JAKMIP1: variants seen among roughly 807,000 people sequenced by gnomAD.
JAKMIP1 encodes the protein janus kinase and microtubule interacting protein 1.
Under a neutral mutation model 113.0 loss-of-function variants are expected in JAKMIP1, and 33 were observed. The observed-to-expected ratio is 0.29, with a 90% CI of 0.22 to 0.39. The LOEUF (loss-of-function observed/expected upper bound fraction) is 0.39. Ranked by LOEUF, JAKMIP1 falls within the 10% of genes least tolerant of loss-of-function variation. JAKMIP1 has a pLI of 1.00. For synonymous variants in JAKMIP1, 480 were observed against 459.9 expected (o/e 1.04, Z -0.56); for missense variants, 813 against 1,080.5 (o/e 0.75, Z 3.47).
intron 1 of JAKMIP1, among the ~76,000 whole-genome samples, chr4:6,174,013 G>A (rs1250659628): frequency 6.6e-6 from 1 of 152,184 alleles, no homozygotes; most frequent in African/African-American, 2.4e-5. Context: ...AGGTTGCAGT[G>A]AGCCAAGGTG....
At chr4:6,169,211 T>C (rs756336781) in intron 1 of JAKMIP1, among the ~76,000 whole-genome samples, 1 of 152,236 alleles carries the variant, frequency 6.6e-6, no homozygotes, top group Non-Finnish European at 1.5e-5. Flanking sequence ...CTCATGCATG[T>C]CCTTCCCACA....
In JAKMIP1 at chr4:6,105,693, T is replaced by G. The variant is rs1301862735; in HGVS notation, c.404A>C (p.Glu135Ala). The stretch of plus-strand genomic sequence containing the variant: ...GGCCCTGCGCGCCTCCTCGCGCGCC[T>G]CGGTCAGCAGCGCCGTCTTGACCTT... The part of the protein sequence containing the change: ...ADKVKTALLT[E>A]AREEARRAFD... Residue 135 changes from glutamate to alanine, a missense_variant, in exon 3 of 21, where the codon GAG (glutamate) becomes GCG (alanine). Physicochemically the swap from Glu to Ala is moderately radical, Grantham distance 107 (BLOSUM62 -1). Coordinates refer to ENST00000409021, the MANE Select transcript of JAKMIP1 (RefSeq NM_001099433.2). The G allele has an allele frequency of 1.2e-6, 2 of 1,603,580 alleles. No individual in the cohort carries two copies.
In JAKMIP1 at chr4:6,187,167, C is replaced by G. The variant is rs1726740521; in HGVS notation, c.-148+13086G>C. On this transcript the variant is annotated intron_variant, in intron 1 of 20. Coordinates refer to ENST00000409021, the MANE Select transcript of JAKMIP1 (RefSeq NM_001099433.2). This position sits in a 1 kb window ranked among gnomAD's most constrained non-coding sequence, Gnocchi z 4.2. ...TTTTTGCTTCATATATTTTGGTGCT[C>G]TGTTGTTAGGTGCAAATATGTTTAT... Among the ~76,000 whole-genome samples, 1 of 152,140 alleles carries G rather than the reference C, an allele frequency of 6.6e-6. No homozygotes were observed. Among genetic ancestry groups the G allele is most frequent in the Admixed American group, 6.5e-5 (1 of 15,278 alleles).
intron 1 of JAKMIP1, among the ~76,000 whole-genome samples, chr4:6,130,883 T>C (rs1718396465): frequency 6.6e-6 from 1 of 151,616 alleles, no homozygotes; most frequent in Non-Finnish European, 1.5e-5. Flanking sequence ...AAAACGAATA[T>C]CCCAGGACAG....
chr4:6,066,490 C>T (rs1356939739), intron 8 of JAKMIP1, among the ~76,000 whole-genome samples: 1 of 152,162 alleles, frequency 6.6e-6, no homozygotes, highest in Admixed American at 6.5e-5. Flanking sequence ...CTCCCCCGAA[C>T]TCCAGACTCA....
chr4:6,082,390 C>T (rs1425582792), intron 5 of JAKMIP1, among the ~76,000 whole-genome samples: 1 of 151,788 alleles, frequency 6.6e-6, no homozygotes, highest in Admixed American at 6.6e-5. Flanking sequence ...AAAAAAATGC[C>T]ATGTAGAAGA....
chr4:6,149,887 C>T (rs1721352646), intron 1 of JAKMIP1, among the ~76,000 whole-genome samples: 1 of 152,078 alleles, frequency 6.6e-6, no homozygotes, highest in Admixed American at 6.5e-5. Context: ...CTCTCCCTTC[C>T]AACTCCCAGC....
At chr4:6,123,579 G>T (rs574541257) in intron 1 of JAKMIP1, among the ~76,000 whole-genome samples, 28 of 152,230 alleles carry the variant, frequency 1.8e-4, no homozygotes, top group Non-Finnish European at 4.0e-4. Context: ...CCAGCACTCT[G>T]AGAGCCCAAG....
At position 6,040,880 on chromosome 4, in the gene JAKMIP1, A is replaced by G. The variant is rs990906769; in HGVS notation, c.2098-164T>C. On this transcript the variant is annotated intron_variant, in intron 17 of 20. Transcript: ENST00000409021. This position sits in a 1 kb window ranked among gnomAD's most constrained non-coding sequence, Gnocchi z 5.8. ...TTTGCCCCCACATGAATCACCCAGC[A>G]GGAGCCTCACTGACCTGGGGCACCC... is the stretch of plus-strand genomic sequence containing the variant. Among the ~76,000 whole-genome samples the G allele has an allele frequency of 6.6e-6, 1 of 152,142 alleles. No homozygotes were observed. Among genetic ancestry groups the G allele is most frequent in the Non-Finnish European group, 1.5e-5 (1 of 68,012 alleles).
At chr4:6,087,061 C>G (rs938966598) in intron 3 of JAKMIP1, among the ~76,000 whole-genome samples, 15 of 152,174 alleles carry the variant, frequency 9.9e-5, no homozygotes, top group Non-Finnish European at 1.9e-4. Context: ...TTATTTGTTG[C>G]GGCAGCTGCA....
chr4:6,062,723 A>T (rs1200542792), intron 9 of JAKMIP1, among the ~76,000 whole-genome samples: 1 of 152,178 alleles, frequency 6.6e-6, no homozygotes, highest in East Asian at 1.9e-4. Flanking sequence ...CACAGGAATC[A>T]CTTGAGTTAT....
chr4:6,181,161 A>G lies in JAKMIP1; in HGVS notation c.-148+19092T>C, dbSNP rs1048319586. Among the ~76,000 whole-genome samples, 2 of 152,158 alleles carry G rather than the reference A, an allele frequency of 1.3e-5. No individual in the cohort carries two copies. The highest frequency in any genetic ancestry group is 4.8e-5 in the African/African-American group (2 of 41,420). Reference sequence around the variant, plus strand: ...TGGGCTTGATATGACTAGATGCTGAACAGGGCGCTCCTTGACAGACACCTA... The same window carrying G: ...TGGGCTTGATATGACTAGATGCTGAGCAGGGCGCTCCTTGACAGACACCTA... On this transcript the variant is annotated intron_variant, in intron 1 of 20. Coordinates refer to ENST00000409021, the MANE Select transcript of JAKMIP1 (RefSeq NM_001099433.2). This position sits in a 1 kb window ranked among gnomAD's most constrained non-coding sequence, Gnocchi z 5.4.
chr4:6,128,664 G>C (rs1024924833), intron 1 of JAKMIP1, among the ~76,000 whole-genome samples: 1 of 152,108 alleles, frequency 6.6e-6, no homozygotes, highest in South Asian at 2.1e-4. Flanking sequence ...TCCGGGGCTC[G>C]CTCCCCACGT....
chr4:6,091,267 G>T (rs1364112544), intron 3 of JAKMIP1, among the ~76,000 whole-genome samples: 1 of 152,070 alleles, frequency 6.6e-6, no homozygotes, highest in Non-Finnish European at 1.5e-5. Flanking sequence ...TTTTTGTTTG[G>T]CACTGAAATG....
In JAKMIP1 at chr4:6,183,126, CCA is replaced by C. The variant is rs1319655740; in HGVS notation, c.-148+17125_-148+17126del. On this transcript the variant is annotated intron_variant, in intron 1 of 20. Transcript: ENST00000409021. This position sits in a 1 kb window ranked among gnomAD's most constrained non-coding sequence, Gnocchi z 5.3. ...AACATGATACAGGCAGATAACAATA[CCA>C]CAGATATCTAGACACACAGATACAG... 6.6e-6 allele frequency among the ~76,000 whole-genome samples: 1 copy of C among 152,196 alleles called. No individual in the cohort carries two copies. Among genetic ancestry groups the C allele is most frequent in the Non-Finnish European group, 1.5e-5 (1 of 68,036 alleles).
intron 1 of JAKMIP1, among the ~76,000 whole-genome samples, chr4:6,126,074 CACAA>C (rs1423712353): frequency 1.4e-5 from 2 of 142,842 alleles, no homozygotes; most frequent in African/African-American, 5.2e-5. Context: ...GAAACACACA[CACAA>C]ACACACACCA....
chr4:6,138,320 T>C lies in JAKMIP1; in HGVS notation c.-147-25323A>G, dbSNP rs1719564775. Among the ~76,000 whole-genome samples, 1 of 152,176 alleles carries C rather than the reference T, an allele frequency of 6.6e-6. No homozygotes were observed. The highest frequency in any genetic ancestry group is 2.4e-5 in the African/African-American group (1 of 41,444). ...TGGAGTGCAGTGGTGCAATATTGGC[T>C]CACTGCAACCTCTGCCTCCTGGGTT... On this transcript the variant is annotated intron_variant, in intron 1 of 20. Coordinates refer to ENST00000409021, the MANE Select transcript of JAKMIP1 (RefSeq NM_001099433.2). The surrounding 1 kb of genome is among the most constrained non-coding windows in gnomAD (Gnocchi z 6.0).
Position 6,078,958 on chromosome 4 carries a change from T to C in JAKMIP1, c.1283A>G (p.Lys428Arg), listed in dbSNP as rs1485182043. ...GCTCACCTTGGGCGGTTTCAGACTTTTCCCTCGATGCCTTTTGGAGCGCAA... is the reference window on the plus strand; with the variant it reads ...GCTCACCTTGGGCGGTTTCAGACTTCTCCCTCGATGCCTTTTGGAGCGCAA... ...RLLRSKRHRG[K>R]SLKPPKKHVV... Residue 428 changes from lysine (K) to arginine (R), a missense_variant, in exon 8 of 21, where the codon AAA becomes AGA. Coordinates refer to ENST00000409021, the MANE Select transcript of JAKMIP1 (RefSeq NM_001099433.2). 1 of 1,614,086 alleles carries C rather than the reference T, an allele frequency of 6.2e-7. No individual in the cohort carries two copies. The highest frequency in any genetic ancestry group is 1.3e-5 in the African/African-American group (1 of 74,932).
intron 1 of JAKMIP1, among the ~76,000 whole-genome samples, chr4:6,195,282 T>A (rs1206464270): frequency 6.6e-6 from 1 of 152,222 alleles, no homozygotes; most frequent in Non-Finnish European, 1.5e-5. Context: ...CAGTGAAGAA[T>A]GTGGGCTGCA....
Sources: allele counts gnomAD v4.1 joint callset (sites outside exome capture counted in the v4.1 genomes callset), GRCh38; gene constraint gnomAD v4.1.1; non-coding constraint Gnocchi (gnomAD v3.1); transcripts MANE v1.5; gene names NCBI Gene and HGNC (gene_info 2026-07-23, HGNC 2026-07-21).